DPP6: variants seen among roughly 807,000 people sequenced by gnomAD.
DPP6 encodes the protein A-type potassium channel modulatory protein DPP6.
Under a neutral mutation model 122.6 loss-of-function variants are expected in DPP6, and 69 were observed. The ratio of observed to expected loss-of-function variants is 0.56; its 90% CI spans 0.46 to 0.69. DPP6 has a LOEUF of 0.69. Among genes scored for constraint, DPP6 ranks in the 30% least tolerant of loss-of-function variants. The pLI, the probability that DPP6 is intolerant of heterozygous loss-of-function variation, is 0.00. For synonymous variants in DPP6, 418 were observed against 433.1 expected (o/e 0.97, Z 0.43); for missense variants, 928 against 1,116.9 (o/e 0.83, Z 2.41).
chr7:154,883,329 TG>T (rs1391403220), intron 21 of DPP6, among the ~76,000 whole-genome samples: 1 of 129,572 alleles, frequency 7.7e-6, no homozygotes, highest in Non-Finnish European at 1.6e-5. Flanking sequence ...CACATACACA[TG>T]GTGTCACACA....
chr7:153,987,274 T>C (rs1187508253), intron 1 of DPP6, among the ~76,000 whole-genome samples: 1 of 152,224 alleles, frequency 6.6e-6, no homozygotes, highest in African/African-American at 2.4e-5. Context: ...GCATATATAC[T>C]GCTCCACTAA....
chr7:154,771,566 G>A (rs11763741), intron 9 of DPP6, among the ~76,000 whole-genome samples: 31,447 of 152,156 alleles, frequency 0.21, 3,285 homozygotes, highest in South Asian at 0.25. Context: ...GGGCTGCACC[G>A]TATGAATTGA....
the DPP6 span, among the ~76,000 whole-genome samples, chr7:153,794,694 C>T: frequency 2.8e-4 from 42 of 151,358 alleles, no homozygotes; most frequent in African/African-American, 9.5e-4. Context: ...TGATATGGTT[C>T]GGCTCTGTCC....
At chr7:154,356,641 G>C (rs1299343168) in intron 1 of DPP6, among the ~76,000 whole-genome samples, 1 of 151,448 alleles carries the variant, frequency 6.6e-6, no homozygotes, top group African/African-American at 2.4e-5. Context: ...TTCTATCTAA[G>C]AAGTTAAATG....
At chr7:154,106,035 G>A (rs1490544731) in intron 1 of DPP6, among the ~76,000 whole-genome samples, 1 of 151,914 alleles carries the variant, frequency 6.6e-6, no homozygotes, top group Non-Finnish European at 1.5e-5. Context: ...TGAATACACT[G>A]TGCTCCCACA....
At chr7:153,883,406 G>A (rs1341806972), upstream of DPP6, among the ~76,000 whole-genome samples, 1 of 149,804 alleles carries the variant, frequency 6.7e-6, no homozygotes, top group African/African-American at 2.5e-5. Context: ...TTTTGAGACA[G>A]AGTTTCGCTC....
intron 1 of DPP6, among the ~76,000 whole-genome samples, chr7:154,209,589 A>T (rs1799631109): frequency 6.6e-6 from 1 of 152,028 alleles, no homozygotes; most frequent in Non-Finnish European, 1.5e-5. Flanking sequence ...ACTGAAAAAG[A>T]TCCAGTGATA....
Position 154,282,761 on chromosome 7 carries a change from T to C in DPP6, c.244-163453T>C, listed in dbSNP as rs1563412323. Among the ~76,000 whole-genome samples, 1 of 152,218 alleles carries C rather than the reference T, an allele frequency of 6.6e-6. No homozygotes were observed. The highest frequency in any genetic ancestry group is 2.4e-5 in the African/African-American group (1 of 41,470). On this transcript the variant is annotated intron_variant, in intron 1 of 25. Transcript: ENST00000377770. The surrounding 1 kb of genome is among the most constrained non-coding windows in gnomAD (Gnocchi z 4.8). ...ATAACAAACAAATTTAAAAAAAGTA[T>C]GTATATTTGGGTAGATAAATATAGG...
chr7:154,582,912 G>T (rs1364739327), intron 5 of DPP6, among the ~76,000 whole-genome samples: 1 of 152,186 alleles, frequency 6.6e-6, no homozygotes. Flanking sequence ...CCCGGGGGAA[G>T]GTATGAGTGT....
In DPP6 at chr7:154,877,095, G is replaced by T. The variant is rs987923320; in HGVS notation, c.2078+995G>T. 1 of 152,180 alleles carries T rather than the reference G, an allele frequency of 6.6e-6. No individual in the cohort carries two copies. The highest frequency in any genetic ancestry group is 2.1e-4 in the South Asian group (1 of 4,834). The allele number at this position is 152,180 out of a possible 1,614,324, so 9.4% of individuals were successfully genotyped here. A position where few individuals can be genotyped will look rare whatever the true frequency, so the allele number is the denominator to read the frequency against. ...CCTATTATACCAGGGTGCTTTGTGC[G>T]TTTGGAAATTTTTACTCAACTGACT... On this transcript the variant is annotated intron_variant, in intron 20 of 25. Transcript: ENST00000377770. This position sits in a 1 kb window ranked among gnomAD's most constrained non-coding sequence, Gnocchi z 5.2.
At chr7:154,056,694 A>G (rs1800844782) in intron 1 of DPP6, among the ~76,000 whole-genome samples, 1 of 152,196 alleles carries the variant, frequency 6.6e-6, no homozygotes, top group African/African-American at 2.4e-5. Context: ...CCAGCCTTGG[A>G]AGGGCCAATT....
chr7:154,892,996 A>C lies in DPP6; in HGVS notation c.*516A>C, dbSNP rs1400300709. The C allele has an allele frequency of 2.0e-6, 1 of 509,792 alleles. No individual in the cohort carries two copies. Among genetic ancestry groups the C allele is most frequent in the South Asian group, 1.4e-5 (1 of 70,946 alleles). The allele number at this position is 509,792 out of a possible 1,614,324, so 31.6% of individuals were successfully genotyped here. ...GCTACTTCCTGTAATGAGGACGTTC[A>C]ACATGGTGAGGGGCTACAAGAAAAC... On this transcript the variant is annotated 3_prime_UTR_variant, in exon 26 of 26. Transcript: ENST00000377770.
chr7:154,781,901 C>T (rs758108969), intron 10 of DPP6, among the ~76,000 whole-genome samples: 33 of 152,312 alleles, frequency 2.2e-4, no homozygotes, highest in South Asian at 4.1e-4. Context: ...ATCCTTGTGA[C>T]GGAGACAATG....
intron 1 of DPP6, among the ~76,000 whole-genome samples, chr7:154,117,889 C>T (rs547110068): frequency 5.3e-5 from 8 of 152,070 alleles, no homozygotes; most frequent in African/African-American, 1.9e-4. Flanking sequence ...TTTCCGCTCA[C>T]GGTAGGACCC....
At chr7:154,189,780 C>T (rs1468806138) in intron 1 of DPP6, among the ~76,000 whole-genome samples, 1 of 151,976 alleles carries the variant, frequency 6.6e-6, no homozygotes, top group Non-Finnish European at 1.5e-5. Flanking sequence ...GTATATCTTT[C>T]CACACAAACC....
At chr7:153,881,125 T>G in the DPP6 span, among the ~76,000 whole-genome samples, 2 of 152,240 alleles carry the variant, frequency 1.3e-5, no homozygotes, top group Non-Finnish European at 2.9e-5. Context: ...TATTGCTTCG[T>G]TTGTTCGAGA....
At chr7:153,861,249 T>C in the DPP6 span, among the ~76,000 whole-genome samples, 4 of 152,224 alleles carry the variant, frequency 2.6e-5, no homozygotes, top group Non-Finnish European at 5.9e-5. Context: ...ATAATTTATA[T>C]GCATGAAAAT....
chr7:154,687,994 T>C (rs1839720973), intron 7 of DPP6, among the ~76,000 whole-genome samples: 1 of 152,230 alleles, frequency 6.6e-6, no homozygotes, highest in South Asian at 2.1e-4. Context: ...GTGGATTTGC[T>C]TTCAGACTCT....
intron 1 of DPP6, among the ~76,000 whole-genome samples, chr7:154,281,386 G>A (rs1179097181): frequency 6.6e-6 from 1 of 152,130 alleles, no homozygotes; most frequent in East Asian, 1.9e-4. Flanking sequence ...GGCCCAGGAT[G>A]TGGTGGGCTC....
Sources: allele counts gnomAD v4.1 joint callset (sites outside exome capture counted in the v4.1 genomes callset), GRCh38; gene constraint gnomAD v4.1.1; non-coding constraint Gnocchi (gnomAD v3.1); transcripts MANE v1.5; gene names NCBI Gene and HGNC (gene_info 2026-07-23, HGNC 2026-07-21).